HEPHL1: variants seen among roughly 807,000 people sequenced by gnomAD.
HEPHL1 encodes hephaestin like 1, also known as ferroxidase HEPHL1.
HEPHL1 carries 123 observed loss-of-function variants against 122.0 expected under a neutral mutation model. The ratio of observed to expected loss-of-function variants is 1.01; its 90% confidence interval spans 0.87 to 1.17. The LOEUF (loss-of-function observed/expected upper bound fraction) is 1.17, where lower values mean the gene tolerates loss of function less well. HEPHL1 is among the 50% of genes most tolerant of loss of function. The pLI is 0.00. For missense variants in HEPHL1, 1,452 were observed against 1,430.5 expected, an observed-to-expected ratio of 1.01 and a Z score of -0.24; for synonymous variants, 527 against 508.9, an observed-to-expected ratio of 1.04 and a Z score of -0.48.
At chr11:94,026,790 G>A (rs962180581) in intron 1 of HEPHL1, among the ~76,000 whole-genome samples, 48 of 152,322 alleles carry the variant, frequency 3.2e-4, no homozygotes, top group Admixed American at 1.0e-3. Flanking sequence ...TGCTGGTAAA[G>A]TATGGGGCTC....
In HEPHL1 at chr11:94,076,977, A is replaced by C. The variant is rs142823652; in HGVS notation, c.1716+1592A>C. Among the ~76,000 whole-genome samples, 180 of 152,286 alleles carry C rather than the reference A, an allele frequency of 1.2e-3. 1 individual carries two copies. Among genetic ancestry groups the C allele is most frequent in the African/African-American group, 4.2e-3 (174 of 41,560 alleles). On this transcript the variant is annotated intron_variant, in intron 9 of 19. Transcript: ENST00000315765. Reference sequence around the variant, plus strand: ...ATAGATCTCACACTTTTTTGGAAATAATCTGACTTATGAAAAAGTAGAAAA... The same window carrying C: ...ATAGATCTCACACTTTTTTGGAAATCATCTGACTTATGAAAAAGTAGAAAA...
intron 13 of HEPHL1, among the ~76,000 whole-genome samples, chr11:94,098,927 A>C (rs946690851): frequency 2.0e-5 from 3 of 151,962 alleles, no homozygotes; most frequent in African/African-American, 7.3e-5. Context: ...ATCTTTTTTC[A>C]AGGTTTTTAG....
chr11:94,021,505 A>G lies in HEPHL1; in HGVS notation c.137A>G (p.Asn46Ser), dbSNP rs1416603781. The stretch of plus-strand genomic sequence containing the variant: ...TGGAACTATGTACCCCAAGGGAAGA[A>G]TGTTATTACTGGGAAAAGTTTCACA... ...EYWNYVPQGK[N>S]VITGKSFTED... Residue 46 changes from asparagine (N) to serine (S), a missense_variant, in exon 1 of 20, where the codon AAT becomes AGT. Transcript: ENST00000315765. 11 of 1,611,468 alleles carry G rather than the reference A, an allele frequency of 6.8e-6. No homozygotes were observed. Among genetic ancestry groups the G allele is most frequent in the Non-Finnish European group, 8.5e-6 (10 of 1,178,988 alleles).
Position 94,075,221 on chromosome 11 carries a change from T to A in HEPHL1, c.1552T>A (p.Tyr518Asn), listed in dbSNP as rs1176733891. 2 of 1,613,446 alleles carry A rather than the reference T, an allele frequency of 1.2e-6. No individual in the cohort carries two copies. Among genetic ancestry groups the A allele is most frequent in the Non-Finnish European group, 8.5e-7 (1 of 1,179,598 alleles). ...TGTTAAACCAGGTGAAACCTTCACATACAAGTGGACAGTGCCTGAGAGCGT... is the reference window on the plus strand; with the variant it reads ...TGTTAAACCAGGTGAAACCTTCACAAACAAGTGGACAGTGCCTGAGAGCGT... The part of the protein sequence containing the change: ...AHVKPGETFT[Y>N]KWTVPESVSP... Residue 518 changes from tyrosine (Y) to asparagine (N), a missense_variant, in exon 9 of 20, where the codon TAC becomes AAC. Physicochemically the swap from Tyr to Asn is moderately radical, Grantham distance 143. Coordinates refer to ENST00000315765, the MANE Select transcript of HEPHL1 (RefSeq NM_001098672.2).
chr11:94,111,944 G>A lies in HEPHL1; in HGVS notation c.*50G>A. ...AAGGGTGATGTCCCACAGCTGGCCA[G>A]ATGGCAGCCAACAGGGAAACTGGAC... On this transcript the variant is annotated 3_prime_UTR_variant, in exon 20 of 20. Transcript: ENST00000315765. The A allele has an allele frequency of 7.3e-7, 1 of 1,360,796 alleles. No homozygotes were observed. Among genetic ancestry groups the A allele is most frequent in the Non-Finnish European group, 9.8e-7 (1 of 1,017,378 alleles). 84.3% of individuals were successfully genotyped at this position (1,360,796 alleles called of 1,614,324 possible).
At chr11:94,111,499 G>T in intron 18 of HEPHL1, 38 bp from the exon 19 acceptor site, 1 of 1,486,352 alleles carries the variant, frequency 6.7e-7, no homozygotes, top group Non-Finnish European at 9.2e-7. Context: ...ATCCCCTTCT[G>T]TTGTTAATAA....
chr11:94,025,692 C>A (rs1240370555), intron 1 of HEPHL1, among the ~76,000 whole-genome samples: 1 of 152,062 alleles, frequency 6.6e-6, no homozygotes, highest in Non-Finnish European at 1.5e-5. Context: ...GAAGCAGGCC[C>A]TAGGATAGGT....
rs1945581647 is a variant in HEPHL1 at position 94,021,506 on chromosome 11, T to G, written c.138T>G (p.Asn46Lys). The part of the protein sequence containing the change: ...EYWNYVPQGK[N>K]VITGKSFTED... ...GGAACTATGTACCCCAAGGGAAGAA[T>G]GTTATTACTGGGAAAAGTTTCACAG... Residue 46 changes from asparagine to lysine, a missense_variant, in exon 1 of 20, where the codon AAT becomes AAG. Physicochemically the swap from Asn to Lys is moderately conservative, Grantham distance 94. Coordinates refer to ENST00000315765, the MANE Select transcript of HEPHL1 (RefSeq NM_001098672.2). 1 of 1,611,086 alleles carries G rather than the reference T, an allele frequency of 6.2e-7. No individual in the cohort carries two copies. Among genetic ancestry groups the G allele is most frequent in the Admixed American group, 1.7e-5 (1 of 59,468 alleles).
intron 1 of HEPHL1, among the ~76,000 whole-genome samples, chr11:94,034,246 C>T (rs1297458693): frequency 6.6e-6 from 1 of 152,200 alleles, no homozygotes; most frequent in African/African-American, 2.4e-5. Context: ...GATTCTTCTA[C>T]CTTCTAAGGT....
chr11:94,098,927 AAGGTTTTT>A (rs1946343649), intron 13 of HEPHL1, among the ~76,000 whole-genome samples: 1 of 151,962 alleles, frequency 6.6e-6, no homozygotes, highest in Non-Finnish European at 1.5e-5. Context: ...ATCTTTTTTC[AAGGTTTTT>A]AGCTTCTTTG....
intron 15 of HEPHL1, among the ~76,000 whole-genome samples, chr11:94,104,095 G>A (rs1946390621): frequency 6.6e-6 from 1 of 152,198 alleles, no homozygotes; most frequent in Non-Finnish European, 1.5e-5. Flanking sequence ...ACTATAGAAG[G>A]TTTTGGAGGG....
chr11:94,042,891 A>AAAAAAAAAAAAAAAAAC (rs762818935), intron 1 of HEPHL1, among the ~76,000 whole-genome samples: 2 of 149,058 alleles, frequency 1.3e-5, no homozygotes, highest in Non-Finnish European at 3.0e-5. Flanking sequence ...AAAAAAAAAA[A>AAAAAAAAAAAAAAAAAC]AACTGCATGA....
At chr11:94,038,560 A>G (rs1945746164) in intron 1 of HEPHL1, among the ~76,000 whole-genome samples, 1 of 109,104 alleles carries the variant, frequency 9.2e-6, no homozygotes, top group Non-Finnish European at 1.9e-5. Flanking sequence ...AGTGGGGGCC[A>G]ATATTCAACA....
intron 1 of HEPHL1, among the ~76,000 whole-genome samples, chr11:94,033,128 C>T (rs1475293619): frequency 1.3e-5 from 2 of 152,150 alleles, no homozygotes; most frequent in Non-Finnish European, 2.9e-5. Flanking sequence ...GGCCCTCTTC[C>T]AAGGGTGCTT....
chr11:94,021,991 C>T (rs993502687), intron 1 of HEPHL1, among the ~76,000 whole-genome samples: 1 of 152,096 alleles, frequency 6.6e-6, no homozygotes, highest in Non-Finnish European at 1.5e-5. Flanking sequence ...TGTTTTTCAA[C>T]GTTTAAAAGA....
chr11:94,099,548 A>G (rs903084626), intron 13 of HEPHL1, among the ~76,000 whole-genome samples: 9 of 152,210 alleles, frequency 5.9e-5, no homozygotes, highest in African/African-American at 2.2e-4. Flanking sequence ...GCTGTCAGAC[A>G]GGGACATTTA....
intron 13 of HEPHL1, 131 bp from the exon 14 acceptor site, chr11:94,101,064 G>A (rs1441955898): frequency 1.1e-6 from 1 of 891,842 alleles, no homozygotes. Flanking sequence ...GTGGAGTAGA[G>A]TTATATATGC....
intron 18 of HEPHL1, 72 bp from the exon 19 acceptor site, chr11:94,111,465 G>C: frequency 8.4e-7 from 1 of 1,192,406 alleles, no homozygotes; most frequent in Non-Finnish European, 1.2e-6. Context: ...CTGGTGAAAT[G>C]AAATGACTAG....
Position 94,104,589 on chromosome 11 carries a change from A to G in HEPHL1, c.2744A>G (p.Lys915Arg). Residue 915 changes from lysine (K) to arginine (R), a missense_variant, in exon 16 of 20, where the codon AAG (lysine) becomes AGG (arginine). Coordinates refer to ENST00000315765, the MANE Select transcript of HEPHL1 (RefSeq NM_001098672.2). ...ITCRKGVLNE[K>R]GRRSDVDYEF... is the part of the protein sequence containing the mutation. ...TGCCGAAAAGGAGTCTTGAATGAAAAGGGAAGAAGAAGTGACGTTGATTAT... is the reference window on the plus strand; with the variant it reads ...TGCCGAAAAGGAGTCTTGAATGAAAGGGGAAGAAGAAGTGACGTTGATTAT... 1.9e-6 allele frequency: 3 copies of G among 1,613,944 alleles called. No homozygotes were observed. The highest frequency in any genetic ancestry group is 2.5e-6 in the Non-Finnish European group (3 of 1,179,832).
Sources: allele counts gnomAD v4.1 joint callset (sites outside exome capture counted in the v4.1 genomes callset), GRCh38; gene constraint gnomAD v4.1.1; transcripts MANE v1.5; gene names NCBI Gene and HGNC (gene_info 2026-07-23, HGNC 2026-07-21).